The following ITGB1BP1 variants were observed in gnomAD, a reference collection of about 807,000 sequenced individuals.
The protein encoded by ITGB1BP1 is integrin subunit beta 1 binding protein 1.
A neutral mutation model predicts 28.0 loss-of-function variants in ITGB1BP1; 20 were observed. The observed-to-expected ratio is 0.71, with a 90% CI of 0.50 to 1.04. ITGB1BP1 has a LOEUF of 1.04. Among genes scored for constraint, ITGB1BP1 ranks in the 50% least tolerant of loss-of-function variants. ITGB1BP1 has a pLI of 0.00. For missense variants in ITGB1BP1, 228 were observed against 242.5 expected (o/e 0.94, Z 0.40); for synonymous variants, 103 against 89.5 (o/e 1.15, Z -0.85).
chr2:9,406,195 GTGTT>G lies in ITGB1BP1; in HGVS notation c.*635_*638del, dbSNP rs377352114. ...CTAGTCTTCCTCAGGCCTTCAGTGT[GTGTT>G]TGTCACTGAGTGGACCTCTGTGACA... On this transcript the variant is annotated 3_prime_UTR_variant, in exon 7 of 7. Transcript: ENST00000355346. 0.016 allele frequency: 281 copies of G among 17,576 alleles called. No homozygotes were observed. Among genetic ancestry groups the G allele is most frequent in the African/African-American group, 0.039 (76 of 1,970 alleles). The allele number at this position is 17,576 out of a possible 1,614,324, so 1.1% of individuals were successfully genotyped here.
chr2:9,413,836 T>C (rs1435217985), intron 3 of ITGB1BP1, among the ~76,000 whole-genome samples: 1 of 152,206 alleles, frequency 6.6e-6, no homozygotes, highest in Non-Finnish European at 1.5e-5. Flanking sequence ...ATGGAATTCA[T>C]CTTCTGCCAC....
At chr2:9,422,712 C>T in intron 1 of ITGB1BP1, 1 of 985,634 alleles carries the variant, frequency 1.0e-6, no homozygotes, top group Non-Finnish European at 1.2e-6. Flanking sequence ...GAGGTGACAC[C>T]CCAACAGCGA....
intron 2 of ITGB1BP1, among the ~76,000 whole-genome samples, chr2:9,416,654 T>C (rs185345688): frequency 2.4e-4 from 36 of 152,324 alleles, no homozygotes; most frequent in Admixed American, 2.4e-3. Flanking sequence ...AAACACATCC[T>C]ACTGGTTCTC....
chr2:9,414,287 C>T (rs765262279), intron 2 of ITGB1BP1, 31 bp from the exon 3 acceptor site: 1 of 1,547,510 alleles, frequency 6.5e-7, no homozygotes, highest in East Asian at 2.2e-5. Flanking sequence ...TAAAAAACCT[C>T]CACTGAAGCA....
chr2:9,408,276 T>G (rs768421586), intron 4 of ITGB1BP1, 71 bp from the exon 5 acceptor site: 17 of 947,142 alleles, frequency 1.8e-5, no homozygotes, highest in Non-Finnish European at 2.8e-5. Context: ...ACTAGTCACT[T>G]TGAGTATCTG....
chr2:9,422,355 G>A (rs1438512175), intron 1 of ITGB1BP1: 2 of 959,240 alleles, frequency 2.1e-6, no homozygotes, highest in African/African-American at 3.5e-5. Context: ...TCCACAACCC[G>A]GGCACAGTTC....
chr2:9,418,164 G>C (rs1679376116), intron 2 of ITGB1BP1, among the ~76,000 whole-genome samples: 2 of 152,214 alleles, frequency 1.3e-5, no homozygotes, highest in Admixed American at 1.3e-4. Flanking sequence ...AAAGTTGCCA[G>C]TTGAATAGCT....
intron 2 of ITGB1BP1, 126 bp downstream of exon 2, chr2:9,418,500 T>C: frequency 1.3e-6 from 1 of 746,736 alleles, no homozygotes; most frequent in Non-Finnish European, 2.4e-6. Flanking sequence ...AAAGTAAATG[T>C]TAAAACACAC....
chr2:9,423,287 C>A, intron 1 of ITGB1BP1, 86 bp downstream of exon 1: 1 of 1,218,528 alleles, frequency 8.2e-7, no homozygotes, highest in Non-Finnish European at 1.0e-6. Context: ...CCCATCCTTC[C>A]TGGCCGTCCG....
chr2:9,422,877 G>A lies in ITGB1BP1; in HGVS notation c.-36+496C>T, dbSNP rs2148924707. On this transcript the variant is annotated intron_variant, in intron 1 of 6. Coordinates refer to ENST00000355346, the MANE Select transcript of ITGB1BP1 (RefSeq NM_004763.5). ...CCGAAGAGTCAGTGACCTGCCCAGGGTCACCAGAGTAAGGACGGATGCGGC... is the reference window on the plus strand; with the variant it reads ...CCGAAGAGTCAGTGACCTGCCCAGGATCACCAGAGTAAGGACGGATGCGGC... 7.1e-6 allele frequency: 7 copies of A among 985,956 alleles called. No individual in the cohort carries two copies. In the South Asian group the frequency reaches 2.8e-4, roughly 40 times the overall value. 61.1% of individuals were successfully genotyped at this position (985,956 alleles called of 1,614,324 possible). A position where few individuals can be genotyped will look rare whatever the true frequency, so the allele number is the denominator to read the frequency against.
chr2:9,419,723 C>T (rs985344726), intron 1 of ITGB1BP1, among the ~76,000 whole-genome samples: 5 of 152,302 alleles, frequency 3.3e-5, no homozygotes, highest in East Asian at 1.9e-4. Flanking sequence ...ACAGAACTCC[C>T]GGGACAGTTC....
At chr2:9,412,075 G>T in intron 4 of ITGB1BP1, 194 bp downstream of exon 4, 9 of 489,902 alleles carry the variant, frequency 1.8e-5, no homozygotes, top group Non-Finnish European at 1.8e-5. Context: ...TACCGTGTTT[G>T]AAGGGAGGAA....
chr2:9,418,543 G>T, intron 2 of ITGB1BP1, 83 bp downstream of exon 2: 1 of 943,944 alleles, frequency 1.1e-6, no homozygotes, highest in Non-Finnish European at 1.7e-6. Flanking sequence ...TCTGCCCACG[G>T]TCAGTATCCT....
intron 3 of ITGB1BP1, among the ~76,000 whole-genome samples, chr2:9,413,893 G>A (rs1481919426): frequency 5.9e-5 from 9 of 152,054 alleles, no homozygotes; most frequent in Non-Finnish European, 1.0e-4. Flanking sequence ...TACATAGTAG[G>A]TGTATGTATT....
At chr2:9,408,620 A>G (rs894766049) in intron 4 of ITGB1BP1, among the ~76,000 whole-genome samples, 11 of 152,174 alleles carry the variant, frequency 7.2e-5, no homozygotes, top group African/African-American at 2.4e-4. Flanking sequence ...GATTACAGGC[A>G]TGAGCCACCA....
intron 1 of ITGB1BP1, chr2:9,420,301 T>C (rs1450115672): frequency 6.6e-6 from 1 of 152,230 alleles, no homozygotes; most frequent in African/African-American, 2.4e-5. Context: ...ATTTTTGCTT[T>C]ATTTGTGGGG....
intron 4 of ITGB1BP1, 200 bp downstream of exon 4, chr2:9,412,069 G>A (rs1301657533): frequency 2.3e-5 from 11 of 471,008 alleles, no homozygotes; most frequent in Admixed American, 4.1e-5. Context: ...AAAAAGTACC[G>A]TGTTTGAAGG....
chr2:9,414,336 A>G, intron 2 of ITGB1BP1, 80 bp from the exon 3 acceptor site: 1 of 961,474 alleles, frequency 1.0e-6, no homozygotes, highest in Non-Finnish European at 1.7e-6. Flanking sequence ...CATTCACATC[A>G]TTTATTAGAG....
chr2:9,414,536 C>T (rs1291127708), intron 2 of ITGB1BP1, among the ~76,000 whole-genome samples: 1 of 152,218 alleles, frequency 6.6e-6, no homozygotes, highest in Admixed American at 6.5e-5. Context: ...AAGCCATTAC[C>T]GCCACCTCCT....
Sources: gnomAD v4.1 joint callset for allele counts (sites outside exome capture counted in the v4.1 genomes callset) on GRCh38, gnomAD v4.1.1 for gene constraint, MANE v1.5 for transcripts, NCBI Gene and HGNC (gene_info 2026-07-23, HGNC 2026-07-21) for gene names.